METTL24: variants seen among roughly 807,000 people sequenced by gnomAD.
The protein encoded by METTL24 is methyltransferase like 24, also known as probable methyltransferase-like protein 24.
In METTL24, 29 loss-of-function variants were observed where a neutral mutation model predicts 32.7. That is an observed-to-expected ratio of 0.89 (90% CI 0.66 to 1.21). The LOEUF (loss-of-function observed/expected upper bound fraction) is 1.21, where lower values mean the gene tolerates loss of function less well. Ranked by LOEUF, METTL24 falls within the 50% of genes most tolerant of loss-of-function variation. METTL24 has a pLI of 0.00. For missense variants in METTL24, 439 were observed against 468.1 expected (o/e 0.94, Z 0.57); for synonymous variants, 163 against 179.5 (o/e 0.91, Z 0.73).
chr6:110,295,064 C>T (rs1771389233), intron 4 of METTL24, among the ~76,000 whole-genome samples: 1 of 137,074 alleles, frequency 7.3e-6, no homozygotes, highest in Non-Finnish European at 1.5e-5. Flanking sequence ...GCTCTGTCAC[C>T]CAAGCTGGAG....
intron 4 of METTL24, among the ~76,000 whole-genome samples, chr6:110,295,794 A>AAAAGAAAGAAAGG (rs1771403233): frequency 5.4e-4 from 74 of 136,320 alleles, no homozygotes; most frequent in African/African-American, 2.1e-3. Flanking sequence ...AGAAAGAAAG[A>AAAAGAAAGAAAGG]AAGGAAGGAA....
intron 4 of METTL24, among the ~76,000 whole-genome samples, chr6:110,282,296 C>T (rs1453357458): frequency 6.6e-6 from 1 of 152,152 alleles, no homozygotes; most frequent in Non-Finnish European, 1.5e-5. Flanking sequence ...TATACCAAAT[C>T]ATCCATACCA....
intron 4 of METTL24, among the ~76,000 whole-genome samples, chr6:110,247,755 T>A (rs1053613662): frequency 3.3e-5 from 5 of 152,220 alleles, no homozygotes; most frequent in Non-Finnish European, 7.3e-5. Context: ...GAAAAACAGA[T>A]AAACAACAAG....
At position 110,342,844 on chromosome 6, in the gene METTL24, G is replaced by A. The variant is rs538446769; in HGVS notation, c.318+15111C>T. ...TGTGATTGCTTTTACTTAGCATTAG[G>A]TTTCAAGGTCCATCCATGTTGTAGC... On this transcript the variant is annotated intron_variant, in intron 1 of 4. Coordinates refer to ENST00000338882, the MANE Select transcript of METTL24 (RefSeq NM_001123364.3). 6.6e-5 allele frequency among the ~76,000 whole-genome samples: 10 copies of A among 152,222 alleles called. No homozygotes were observed. In the East Asian group the frequency reaches 1.2e-3, roughly 18 times the overall value.
rs193091882 is a variant in METTL24 at position 110,335,474 on chromosome 6, A to T, written c.319-12602T>A. 2.2e-3 allele frequency among the ~76,000 whole-genome samples: 338 copies of T among 152,236 alleles called. 1 individual carries two copies. Among genetic ancestry groups the T allele is most frequent in the Admixed American group, 4.4e-3 (67 of 15,290 alleles). ...AACAACCTTCCATCCATAAGTAAAA[A>T]CTTACAATGAAAAAAGCAGTTACAG... On this transcript the variant is annotated intron_variant, in intron 1 of 4. Transcript: ENST00000338882.
intron 1 of METTL24, chr6:110,332,531 T>C: frequency 1.0e-6 from 1 of 973,094 alleles, no homozygotes; most frequent in Non-Finnish European, 1.2e-6. Context: ...GTTTCAGATG[T>C]CAAATTATGG....
chr6:110,326,885 G>A (rs996004934), intron 1 of METTL24, among the ~76,000 whole-genome samples: 13 of 152,192 alleles, frequency 8.5e-5, no homozygotes, highest in East Asian at 1.9e-4. Context: ...TCAGCCTCCC[G>A]GGGTGGAGCA....
chr6:110,313,256 AT>A (rs1771757987), intron 3 of METTL24, among the ~76,000 whole-genome samples: 2 of 152,246 alleles, frequency 1.3e-5, no homozygotes, highest in African/African-American at 4.8e-5. Context: ...CATAGACATG[AT>A]CAATGCTGGA....
intron 4 of METTL24, among the ~76,000 whole-genome samples, chr6:110,262,957 A>G (rs572870273): frequency 6.6e-6 from 1 of 152,338 alleles, no homozygotes; most frequent in South Asian, 2.1e-4. Context: ...TTAGGTATTG[A>G]TGGGACGTAT....
chr6:110,357,825 GGAAGA>G, intron 1 of METTL24, 125 bp downstream of exon 1: 1 of 316,746 alleles, frequency 3.2e-6, no homozygotes, highest in Non-Finnish European at 5.1e-6. Flanking sequence ...GAGCACAGGG[GGAAGA>G]GAAGAAGCGG....
chr6:110,328,538 C>A lies in METTL24; in HGVS notation c.319-5666G>T, dbSNP rs574653082. ...TAATGGATTTGACTCAAAAAGACTG[C>A]AACAAGCACAGCCATGAGGCTTTGG... On this transcript the variant is annotated intron_variant, in intron 1 of 4. Transcript: ENST00000338882. Among the ~76,000 whole-genome samples the A allele has an allele frequency of 5.0e-4, 76 of 152,176 alleles. No individual in the cohort carries two copies. The East Asian group carries it at 9.1e-3, about 18-fold the overall frequency.
intron 4 of METTL24, chr6:110,253,862 CTCTAAAATTTTCT>C (rs1483164831): frequency 1.4e-6 from 2 of 1,410,478 alleles, no homozygotes; most frequent in East Asian, 5.6e-5. Context: ...ATAAATTTTC[CTCTAAAATTTTCT>C]CTCAAACAGA....
chr6:110,303,337 G>T (rs1259829705), intron 3 of METTL24, among the ~76,000 whole-genome samples: 2 of 152,120 alleles, frequency 1.3e-5, no homozygotes, highest in Non-Finnish European at 2.9e-5. Context: ...CCTGGAAAAG[G>T]GGCTGAAGCC....
intron 4 of METTL24, among the ~76,000 whole-genome samples, 193 bp from the exon 5 acceptor site, chr6:110,246,453 G>C (rs1035803434): frequency 1.3e-5 from 2 of 152,084 alleles, no homozygotes; most frequent in African/African-American, 2.4e-5. Context: ...TTGGTTTTTT[G>C]TTCTTGTTTT....
At chr6:110,326,136 A>G (rs1034669871) in intron 1 of METTL24, among the ~76,000 whole-genome samples, 1 of 152,180 alleles carries the variant, frequency 6.6e-6, no homozygotes, top group African/African-American at 2.4e-5. Context: ...TAAAATCTAC[A>G]AAGGTCACTC....
chr6:110,344,078 T>C (rs960888732), intron 1 of METTL24, among the ~76,000 whole-genome samples: 5 of 152,216 alleles, frequency 3.3e-5, no homozygotes, highest in Non-Finnish European at 2.9e-5. Flanking sequence ...CTGACTTTCA[T>C]ACTGTAATCT....
rs36063334 is a variant in METTL24 at position 110,337,358 on chromosome 6, A to C, written c.319-14486T>G. Among the ~76,000 whole-genome samples the C allele has an allele frequency of 6.4e-3, 973 of 152,316 alleles. 11 individuals carry two copies. Among genetic ancestry groups the C allele is most frequent in the Middle Eastern group, 0.014 (4 of 294 alleles). ...ACTTGGGTGATGAAATAATCTGTAC[A>C]ACAAACCCCCATTATATGAGTTTAC... On this transcript the variant is annotated intron_variant, in intron 1 of 4. Coordinates refer to ENST00000338882, the MANE Select transcript of METTL24 (RefSeq NM_001123364.3).
At position 110,258,655 on chromosome 6, in the gene METTL24, T is replaced by C. The variant is rs1034920052; in HGVS notation, c.787-12395A>G. On this transcript the variant is annotated intron_variant, in intron 4 of 4. Transcript: ENST00000338882. ...TGGAAGATTAGAGCCAGTAGGGACT[T>C]TGTGAAAATCTGATCCAACTCCTTA... Among the ~76,000 whole-genome samples, 6 of 152,086 alleles carry C rather than the reference T, an allele frequency of 3.9e-5. No individual in the cohort carries two copies. The East Asian group carries it at 1.2e-3, about 29-fold the overall frequency.
chr6:110,265,317 G>A (rs1487789703), intron 4 of METTL24, among the ~76,000 whole-genome samples: 1 of 152,072 alleles, frequency 6.6e-6, no homozygotes, highest in Non-Finnish European at 1.5e-5. Flanking sequence ...TACAAATTCA[G>A]ATCCTATGAA....
Sources: allele counts gnomAD v4.1 joint callset (sites outside exome capture counted in the v4.1 genomes callset), GRCh38; gene constraint gnomAD v4.1.1; transcripts MANE v1.5; gene names NCBI Gene and HGNC (gene_info 2026-07-23, HGNC 2026-07-21).